Variants in NKAIN3 observed in about 807,000 individuals in gnomAD.
NKAIN3 encodes the protein sodium/potassium transporting ATPase interacting 3.
In NKAIN3, 25 loss-of-function variants were observed where a neutral mutation model predicts 30.2. The observed-to-expected ratio is 0.83, with a 90% CI of 0.60 to 1.16. NKAIN3 has a LOEUF of 1.16. Among genes scored for constraint, NKAIN3 ranks in the 50% most tolerant of loss-of-function variants. The pLI is 0.00. For missense variants in NKAIN3, 225 were observed against 254.1 expected (o/e 0.89, Z 0.78); for synonymous variants, 91 against 89.6 (o/e 1.02, Z -0.09).
At chr8:62,293,733 G>C (rs149241109) in intron 1 of NKAIN3, among the ~76,000 whole-genome samples, 1 of 152,164 alleles carries the variant, frequency 6.6e-6, no homozygotes, top group Non-Finnish European at 1.5e-5. Flanking sequence ...CTCAAACTCC[G>C]TGCTTGGAGA....
At position 62,248,944 on chromosome 8, in the gene NKAIN3, C is replaced by G. The variant is rs1233835452; in HGVS notation, c.-130C>G. On this transcript the variant is annotated 5_prime_UTR_variant, in exon 1 of 7. Transcript: ENST00000623646. The stretch of plus-strand genomic sequence containing the variant: ...CGGGCGCGAGCCCCGAGCCCTGGAG[C>G]CGCGAGCGGCGGCCGCGGGGCCGAG... 2 of 790,228 alleles carry G rather than the reference C, an allele frequency of 2.5e-6. No homozygotes were observed. Among genetic ancestry groups the G allele is most frequent in the Non-Finnish European group, 3.8e-6 (2 of 526,288 alleles). The allele number at this position is 790,228 out of a possible 1,614,324, so 49.0% of individuals were successfully genotyped here. A position where few individuals can be genotyped will look rare whatever the true frequency, so the allele number is the denominator to read the frequency against.
chr8:62,342,763 T>A (rs192156388), intron 1 of NKAIN3, among the ~76,000 whole-genome samples: 6 of 152,242 alleles, frequency 3.9e-5, no homozygotes, highest in Admixed American at 6.5e-5. Flanking sequence ...TTGAAAAGAA[T>A]GTATTAATAA....
At chr8:62,445,423 T>A (rs1314797466) in intron 1 of NKAIN3, among the ~76,000 whole-genome samples, 2 of 152,106 alleles carry the variant, frequency 1.3e-5, no homozygotes, top group African/African-American at 4.8e-5. Flanking sequence ...TTATACCCAT[T>A]TTTCTTATAA....
At chr8:62,876,842 A>G (rs1050829209) in intron 4 of NKAIN3, among the ~76,000 whole-genome samples, 3 of 150,888 alleles carry the variant, frequency 2.0e-5, no homozygotes, top group African/African-American at 7.3e-5. Flanking sequence ...AACTTAGAGG[A>G]TGGGTCAATA....
intron 4 of NKAIN3, among the ~76,000 whole-genome samples, chr8:62,895,376 G>A (rs1453825841): frequency 6.6e-6 from 1 of 152,194 alleles, no homozygotes; most frequent in African/African-American, 2.4e-5. Context: ...GCAAAGAGGA[G>A]CAGTCACAAA....
At chr8:62,548,630 G>A (rs1409435195) in intron 1 of NKAIN3, among the ~76,000 whole-genome samples, 1 of 152,088 alleles carries the variant, frequency 6.6e-6, no homozygotes, top group African/African-American at 2.4e-5. Context: ...AACCAGTGGA[G>A]TAAAATGTCA....
At chr8:62,313,513 T>C (rs972510636) in intron 1 of NKAIN3, among the ~76,000 whole-genome samples, 3 of 152,140 alleles carry the variant, frequency 2.0e-5, no homozygotes, top group Non-Finnish European at 4.4e-5. Context: ...TAAGTTGGAA[T>C]GTTTTCTTAG....
intron 1 of NKAIN3, among the ~76,000 whole-genome samples, chr8:62,548,949 G>A (rs1182497457): frequency 1.3e-5 from 2 of 151,914 alleles, no homozygotes; most frequent in Non-Finnish European, 2.9e-5. Context: ...TAAAGAAGAA[G>A]CTATGATAAG....
chr8:62,619,719 A>G (rs1362081597), intron 3 of NKAIN3, among the ~76,000 whole-genome samples: 3 of 150,316 alleles, frequency 2.0e-5, no homozygotes, highest in Non-Finnish European at 4.4e-5. Context: ...AAAAGGCTGG[A>G]AATATTCAAG....
intron 3 of NKAIN3, among the ~76,000 whole-genome samples, chr8:62,643,650 A>G (rs1812375997): frequency 6.6e-6 from 1 of 152,128 alleles, no homozygotes; most frequent in Non-Finnish European, 1.5e-5. Context: ...AGGGACCTGC[A>G]CAACTGTTCC....
intron 1 of NKAIN3, among the ~76,000 whole-genome samples, chr8:62,253,177 A>G (rs1036928671): frequency 5.3e-5 from 8 of 152,216 alleles, no homozygotes; most frequent in Non-Finnish European, 1.5e-5. Context: ...GGAATAAGGG[A>G]AACAAAACTC....
intron 1 of NKAIN3, among the ~76,000 whole-genome samples, chr8:62,387,229 CA>C (rs967020025): frequency 6.6e-6 from 1 of 151,858 alleles, no homozygotes; most frequent in Non-Finnish European, 1.5e-5. Context: ...TGAATCTTGC[CA>C]CATGGGAGCG....
chr8:62,348,999 TG>T (rs1037223922), intron 1 of NKAIN3, among the ~76,000 whole-genome samples: 2 of 152,202 alleles, frequency 1.3e-5, no homozygotes, highest in African/African-American at 4.8e-5. Context: ...TCTGCTTAAG[TG>T]GCTGTGTAAC....
At chr8:62,889,403 A>T (rs1468598198) in intron 4 of NKAIN3, among the ~76,000 whole-genome samples, 7 of 152,024 alleles carry the variant, frequency 4.6e-5, no homozygotes, top group African/African-American at 1.7e-4. Context: ...AAATAAAATA[A>T]AACAAAACTT....
chr8:62,801,556 G>T (rs1283647377), intron 4 of NKAIN3, among the ~76,000 whole-genome samples: 1 of 152,162 alleles, frequency 6.6e-6, no homozygotes, highest in Non-Finnish European at 1.5e-5. Flanking sequence ...GCAGCTGAGG[G>T]TCCTCTCTGT....
chr8:62,875,508 T>G (rs906156189), intron 4 of NKAIN3, among the ~76,000 whole-genome samples: 7 of 151,430 alleles, frequency 4.6e-5, no homozygotes, highest in African/African-American at 1.7e-4. Flanking sequence ...AAACACCTCG[T>G]ATAGTCAAGA....
chr8:62,407,999 C>T (rs1012835034), intron 1 of NKAIN3, among the ~76,000 whole-genome samples: 6 of 152,166 alleles, frequency 3.9e-5, no homozygotes, highest in African/African-American at 1.4e-4. Flanking sequence ...ATCCAGCACT[C>T]TACGCTGGGT....
chr8:62,452,878 G>A lies in NKAIN3; in HGVS notation c.55-126661G>A, dbSNP rs375415751. Among the ~76,000 whole-genome samples the A allele has an allele frequency of 1.2e-4, 18 of 152,208 alleles. No individual in the cohort carries two copies. In the South Asian group the frequency reaches 2.5e-3, roughly 21 times the overall value. Reference sequence around the variant, plus strand: ...TAAAAAATCTATATTTCTGAAAACTGTTAGCTTTCATTAGTATTTGGCAGT... The same window carrying A: ...TAAAAAATCTATATTTCTGAAAACTATTAGCTTTCATTAGTATTTGGCAGT... On this transcript the variant is annotated intron_variant, in intron 1 of 6. Coordinates refer to ENST00000623646, the MANE Select transcript of NKAIN3 (RefSeq NM_001304533.3).
chr8:62,965,973 T>C lies in NKAIN3; in HGVS notation c.*566T>C. 1 of 985,112 alleles carries C rather than the reference T, an allele frequency of 1.0e-6. No homozygotes were observed. Among genetic ancestry groups the C allele is most frequent in the Non-Finnish European group, 1.2e-6 (1 of 829,642 alleles). 61.0% of individuals were successfully genotyped at this position (985,112 alleles called of 1,614,324 possible). A position where few individuals can be genotyped will look rare whatever the true frequency, so the allele number is the denominator to read the frequency against. Reference sequence around the variant, plus strand: ...GAGTCCTCCTTTGTTCCTGACTTCTTAAAACCCAGAACGATATTATGGCAA... The same window carrying C: ...GAGTCCTCCTTTGTTCCTGACTTCTCAAAACCCAGAACGATATTATGGCAA... On this transcript the variant is annotated 3_prime_UTR_variant, in exon 7 of 7. Coordinates refer to ENST00000623646, the MANE Select transcript of NKAIN3 (RefSeq NM_001304533.3).
Sources: gnomAD v4.1 joint callset for allele counts (sites outside exome capture counted in the v4.1 genomes callset) on GRCh38, gnomAD v4.1.1 for gene constraint, MANE v1.5 for transcripts, NCBI Gene and HGNC (gene_info 2026-07-23, HGNC 2026-07-21) for gene names.